The following REPS2 variants were observed in gnomAD, a reference collection of about 807,000 sequenced individuals.
REPS2 encodes the protein RALBP1 associated Eps domain containing 2.
A neutral mutation model predicts 53.6 loss-of-function variants in REPS2; 23 were observed. The ratio of observed to expected loss-of-function variants is 0.43; its 90% confidence interval spans 0.31 to 0.61. The LOEUF (loss-of-function observed/expected upper bound fraction) is 0.61, where lower values mean the gene tolerates loss of function less well. REPS2 is among the 20% of genes least tolerant of loss of function. The pLI is 0.11. For synonymous variants in REPS2, 238 were observed against 218.6 expected (o/e 1.09, Z -0.78); for missense variants, 446 against 534.9 (o/e 0.83, Z 1.64).
At chrX:17,155,245 A>T (rs1049928135), downstream of REPS2, among the ~76,000 whole-genome samples, 2 of 111,440 alleles carry the variant, frequency 1.8e-5, no homozygotes, top group Non-Finnish European at 3.8e-5. Flanking sequence ...GTGGCAGGCG[A>T]TATCACATGG....
intron 13 of REPS2, among the ~76,000 whole-genome samples, chrX:17,090,051 T>C (rs560716001): frequency 3.6e-5 from 4 of 112,543 alleles, no homozygotes; most frequent in Admixed American, 2.8e-4. Context: ...TATTATTATC[T>C]TTTTGATTAT....
chrX:17,195,283 G>A, the REPS2 span, among the ~76,000 whole-genome samples: 1 of 112,096 alleles, frequency 8.9e-6, no homozygotes, highest in Non-Finnish European at 1.9e-5. Context: ...CTTCTCCCTC[G>A]TCTCTGCCCA....
chrX:16,974,115 T>C (rs968464200), intron 1 of REPS2, among the ~76,000 whole-genome samples: 4 of 111,888 alleles, frequency 3.6e-5, no homozygotes, highest in African/African-American at 1.3e-4. Context: ...GGAAATTTAA[T>C]ATCAGTACTT....
chrX:17,047,217 G>T, intron 5 of REPS2, 130 bp from the exon 6 acceptor site: 1 of 581,331 alleles, frequency 1.7e-6, no homozygotes, highest in Non-Finnish European at 2.7e-6. Context: ...TAGTTATGAG[G>T]CAGTTAAATT....
At chrX:17,008,068 C>A (rs1325043836) in intron 2 of REPS2, among the ~76,000 whole-genome samples, 4 of 112,191 alleles carry the variant, frequency 3.6e-5, no homozygotes, top group African/African-American at 1.3e-4. Flanking sequence ...AAAGGCATCT[C>A]TTGGTATGAC....
rs140046709 is a variant in REPS2 at position 16,984,415 on chromosome X, A to G, written c.274-21806A>G. ...GACCTAGCCTTAGAAGTCACAGATG[A>G]TCACTTCTGCTCTTTTCTATTGGTC... is the stretch of plus-strand genomic sequence containing the variant. On this transcript the variant is annotated intron_variant, in intron 1 of 17. Coordinates refer to ENST00000357277, the MANE Select transcript of REPS2 (RefSeq NM_004726.3). Among the ~76,000 whole-genome samples, 551 of 112,041 alleles carry G rather than the reference A, an allele frequency of 4.9e-3. 5 individuals carry two copies. The highest frequency in any genetic ancestry group is 0.016 in the African/African-American group (504 of 30,839).
At chrX:17,163,528 A>G in the REPS2 span, among the ~76,000 whole-genome samples, 1 of 111,925 alleles carries the variant, frequency 8.9e-6, no homozygotes, top group Non-Finnish European at 1.9e-5. Flanking sequence ...TCACACTAAG[A>G]CACCTCATAA....
In REPS2 at chrX:17,108,467, C is replaced by T. The variant is rs755344367; in HGVS notation, c.1578+4688C>T. ...GATTACAGGCATGAGCCACCGTGCC[C>T]GGCGAGTTTGTGTTTATTCTGTAGG... On this transcript the variant is annotated intron_variant, in intron 14 of 17. Coordinates refer to ENST00000357277, the MANE Select transcript of REPS2 (RefSeq NM_004726.3). 2.7e-4 allele frequency among the ~76,000 whole-genome samples: 30 copies of T among 111,219 alleles called. No homozygotes were observed. In the South Asian group the frequency reaches 6.1e-3, roughly 23 times the overall value.
intron 2 of REPS2, 34 bp from the exon 3 acceptor site, chrX:17,022,089 C>T (rs1237074868): frequency 8.7e-7 from 1 of 1,156,032 alleles, no homozygotes; most frequent in South Asian, 2.1e-5. Context: ...TAAATTAAGT[C>T]TGACTAGAGC....
intron 1 of REPS2, among the ~76,000 whole-genome samples, chrX:16,988,016 C>T (rs1227131854): frequency 9.0e-6 from 1 of 111,169 alleles, no homozygotes; most frequent in Non-Finnish European, 1.9e-5. Context: ...TGGCCAGGTA[C>T]AGCTGCTCAT....
chrX:17,168,229 G>T, the REPS2 span, among the ~76,000 whole-genome samples: 1 of 111,836 alleles, frequency 8.9e-6, no homozygotes, highest in Non-Finnish European at 1.9e-5. Context: ...CCAATAGAAG[G>T]TAGGGGCCAG....
At chrX:17,162,329 A>G in the REPS2 span, among the ~76,000 whole-genome samples, 4 of 112,832 alleles carry the variant, frequency 3.5e-5, no homozygotes, top group Non-Finnish European at 7.5e-5. Flanking sequence ...TGCCTGAGGC[A>G]GTGGTAAAAG....
At chrX:16,999,887 A>AAC (rs375135710) in intron 1 of REPS2, among the ~76,000 whole-genome samples, 43 of 104,862 alleles carry the variant, frequency 4.1e-4, no homozygotes, top group African/African-American at 1.5e-3. Context: ...TCTACTAAAA[A>AAC]TACAAAAAAA....
At chrX:17,031,030 T>G (rs1432558358) in intron 5 of REPS2, among the ~76,000 whole-genome samples, 1 of 112,546 alleles carries the variant, frequency 8.9e-6, no homozygotes, top group Non-Finnish European at 1.9e-5. Context: ...ATCCCCAAGT[T>G]GGAAAACACA....
chrX:17,056,626 C>T (rs369466839), intron 8 of REPS2, among the ~76,000 whole-genome samples: 24 of 109,448 alleles, frequency 2.2e-4, no homozygotes, highest in Admixed American at 6.8e-4. Flanking sequence ...ACCCGGGAGG[C>T]GGAGCTTGCA....
intron 6 of REPS2, among the ~76,000 whole-genome samples, chrX:17,049,668 C>G (rs1403797186): frequency 2.7e-5 from 3 of 110,717 alleles, no homozygotes; most frequent in Non-Finnish European, 5.7e-5. Flanking sequence ...TACAGGCACA[C>G]AATATGAAAT....
chrX:16,987,300 A>G (rs5969756), intron 1 of REPS2, among the ~76,000 whole-genome samples: 1,279 of 110,638 alleles, frequency 0.012, 8 homozygotes, highest in Non-Finnish European at 0.017. Flanking sequence ...CAGTGATGCT[A>G]GTAAATGAGT....
chrX:17,050,200 T>G, intron 6 of REPS2, among the ~76,000 whole-genome samples: 1 of 76,235 alleles, frequency 1.3e-5, no homozygotes, highest in African/African-American at 5.8e-5. Context: ...CTTTCTTTTT[T>G]TTTTTTTTTT....
intron 1 of REPS2, among the ~76,000 whole-genome samples, chrX:16,972,852 T>G (rs1367477342): frequency 9.0e-6 from 1 of 111,633 alleles, no homozygotes; most frequent in Non-Finnish European, 1.9e-5. Context: ...GCTCCCTTAA[T>G]GTTAACATTT....
Sources: gnomAD v4.1 joint callset for allele counts (sites outside exome capture counted in the v4.1 genomes callset) on GRCh38, gnomAD v4.1.1 for gene constraint, MANE v1.5 for transcripts, NCBI Gene and HGNC (gene_info 2026-07-23, HGNC 2026-07-21) for gene names.